The following DOCK9 variants were observed in gnomAD, a reference collection of about 807,000 sequenced individuals.
DOCK9 encodes the protein dedicator of cytokinesis protein 9.
Under a neutral mutation model 263.3 loss-of-function variants are expected in DOCK9, and 89 were observed. That is an observed-to-expected ratio of 0.34 (90% CI 0.28 to 0.40). The LOEUF (loss-of-function observed/expected upper bound fraction) is 0.40, where lower values mean the gene tolerates loss of function less well. Ranked by LOEUF, DOCK9 falls within the 10% of genes least tolerant of loss-of-function variation. The pLI is 1.00. For missense variants in DOCK9, 2,140 were observed against 2,603.4 expected (o/e 0.82, Z 3.87); for synonymous variants, 976 against 973.1 (o/e 1.00, Z -0.06).
intron 2 of DOCK9, among the ~76,000 whole-genome samples, chr13:98,952,001 G>A (rs772505664): frequency 2.7e-5 from 4 of 150,082 alleles, no homozygotes; most frequent in Non-Finnish European, 4.4e-5. Flanking sequence ...AGGTTCAAGC[G>A]ATTCTCTTGC....
At chr13:99,041,672 C>G (rs1800022519) in intron 1 of DOCK9, among the ~76,000 whole-genome samples, 1 of 152,098 alleles carries the variant, frequency 6.6e-6, no homozygotes, top group South Asian at 2.1e-4. Context: ...TCCTAACCAC[C>G]AGAATTTGTG....
At chr13:98,975,215 C>A (rs2060124336) in intron 1 of DOCK9, among the ~76,000 whole-genome samples, 1 of 152,012 alleles carries the variant, frequency 6.6e-6, no homozygotes, top group East Asian at 1.9e-4. Context: ...CCTGTCCCTA[C>A]TAAAAATACA....
At chr13:98,867,893 G>A (rs1389536518) in intron 29 of DOCK9, 35 bp downstream of exon 29, 1 of 1,563,508 alleles carries the variant, frequency 6.4e-7, no homozygotes, top group Non-Finnish European at 8.8e-7. Flanking sequence ...AGGCTACATG[G>A]TGACTTCTGT....
intron 2 of DOCK9, among the ~76,000 whole-genome samples, chr13:98,931,504 T>TA (rs1276392292): frequency 6.6e-6 from 1 of 152,050 alleles, no homozygotes; most frequent in Non-Finnish European, 1.5e-5. Context: ...TTCACCGTGT[T>TA]AGCCAGGATG....
In DOCK9 at chr13:99,042,413, C is replaced by G. The variant is rs138853595; in HGVS notation, c.129+43810G>C. 3.9e-5 allele frequency among the ~76,000 whole-genome samples: 6 copies of G among 152,356 alleles called. No individual in the cohort carries two copies. The East Asian group carries it at 1.2e-3, about 29-fold the overall frequency. ...TTCCTGCACATCAGCTGCCTCCCGT[C>G]AGTCCTGCTGAACGGGGATCCTTCC... On this transcript the variant is annotated intron_variant, in intron 1 of 32. Coordinates refer to the DOCK9 transcript ENST00000427887.
chr13:98,856,945 T>G (rs1461784364), intron 33 of DOCK9: 1 of 152,168 alleles, frequency 6.6e-6, no homozygotes, highest in African/African-American at 2.4e-5. Flanking sequence ...GGAAATCTAA[T>G]GTGGAAATAA....
At chr13:98,961,085 G>C (rs982736357) in intron 1 of DOCK9, among the ~76,000 whole-genome samples, 1 of 152,228 alleles carries the variant, frequency 6.6e-6, no homozygotes, top group Non-Finnish European at 1.5e-5. Context: ...GTAGCTCAAC[G>C]TAGTGAGAGG....
intron 27 of DOCK9, among the ~76,000 whole-genome samples, chr13:98,875,989 G>A (rs1300753597): frequency 1.3e-5 from 2 of 152,176 alleles, no homozygotes; most frequent in East Asian, 3.9e-4. Context: ...GTCCCTCCAT[G>A]TAAATATGCA....
At position 98,853,388 on chromosome 13, in the gene DOCK9, AT is replaced by A; in HGVS notation, c.3946+19del. On this transcript the variant is annotated intron_variant, in intron 35 of 52. Coordinates refer to ENST00000682017, the MANE Select transcript of DOCK9 (RefSeq NM_001366683.2). Reference sequence around the variant, plus strand: ...AAGTGCTGAAACGAGCAAAACAGAAATCTCCATTTTTTAACCTACCATCAGA... The same window carrying A: ...AAGTGCTGAAACGAGCAAAACAGAAACTCCATTTTTTAACCTACCATCAGA... 2.0e-6 allele frequency: 3 copies of A among 1,527,158 alleles called. No individual in the cohort carries two copies. Among genetic ancestry groups the A allele is most frequent in the Non-Finnish European group, 2.7e-6 (3 of 1,112,764 alleles). The allele number at this position is 1,527,158 out of a possible 1,614,324, so 94.6% of individuals were successfully genotyped here.
chr13:99,050,980 G>A (rs1207980931), intron 1 of DOCK9, among the ~76,000 whole-genome samples: 1 of 152,214 alleles, frequency 6.6e-6, no homozygotes, highest in East Asian at 1.9e-4. Flanking sequence ...ACAGGTGGAC[G>A]TAAGAAGGAT....
intron 38 of DOCK9, among the ~76,000 whole-genome samples, chr13:98,839,794 C>T (rs2093142942): frequency 6.6e-6 from 1 of 152,154 alleles, no homozygotes; most frequent in Admixed American, 6.5e-5. Flanking sequence ...ATGGACTATG[C>T]TAATTAAGTT....
intron 45 of DOCK9, among the ~76,000 whole-genome samples, chr13:98,817,912 GA>G (rs2092003401): frequency 6.6e-6 from 1 of 151,808 alleles, no homozygotes. Flanking sequence ...TGGTTATCAA[GA>G]ACTAGGAAAT....
intron 14 of DOCK9, 150 bp from the exon 15 acceptor site, chr13:98,897,760 T>C: frequency 8.6e-7 from 1 of 1,165,740 alleles, no homozygotes; most frequent in South Asian, 1.5e-5. Context: ...GGAAAACATC[T>C]ATGGGGATGA....
intron 11 of DOCK9, 48 bp from the exon 12 acceptor site, chr13:98,902,539 C>A (rs1158613447): frequency 6.4e-7 from 1 of 1,559,262 alleles, no homozygotes; most frequent in Admixed American, 1.8e-5. Context: ...CAAACAGGGA[C>A]AAAAGAATGT....
intron 1 of DOCK9, among the ~76,000 whole-genome samples, chr13:98,994,172 G>A (rs1204926614): frequency 6.6e-6 from 1 of 152,260 alleles, no homozygotes; most frequent in African/African-American, 2.4e-5. Context: ...GTTGGCGTGA[G>A]TCCCAACAGA....
chr13:99,035,502 T>G (rs573552287), intron 1 of DOCK9, among the ~76,000 whole-genome samples: 3 of 152,328 alleles, frequency 2.0e-5, no homozygotes, highest in South Asian at 4.1e-4. Flanking sequence ...CGTGCAATTT[T>G]AAAGTCATGC....
chr13:99,060,696 C>T (rs1259657552), intron 1 of DOCK9, among the ~76,000 whole-genome samples: 1 of 152,130 alleles, frequency 6.6e-6, no homozygotes, highest in Non-Finnish European at 1.5e-5. Context: ...AGAGCAGGTA[C>T]CTTTCTCATA....
At chr13:98,946,711 A>G (rs889885571) in intron 2 of DOCK9, among the ~76,000 whole-genome samples, 1 of 152,080 alleles carries the variant, frequency 6.6e-6, no homozygotes, top group Non-Finnish European at 1.5e-5. Context: ...CCTCCCGCAG[A>G]CCTTGTCACT....
At chr13:98,915,653 C>G (rs1324981) in intron 7 of DOCK9, 150 bp from the exon 8 acceptor site, 94,762 of 636,156 alleles carry the variant, frequency 0.15, 8,427 homozygotes, top group East Asian at 0.27. Flanking sequence ...AAAGCCCCCC[C>G]CCATGAAATC....
Sources: allele counts gnomAD v4.1 joint callset (sites outside exome capture counted in the v4.1 genomes callset), GRCh38; gene constraint gnomAD v4.1.1; transcripts MANE v1.5; gene names NCBI Gene and HGNC (gene_info 2026-07-23, HGNC 2026-07-21).